WIPI2: variants seen among roughly 807,000 people sequenced by gnomAD.
The protein encoded by WIPI2 is WD repeat domain phosphoinositide-interacting protein 2.
Under a neutral mutation model 52.3 loss-of-function variants are expected in WIPI2, and 28 were observed. That is an observed-to-expected ratio of 0.54 (90% CI 0.40 to 0.73). The LOEUF (loss-of-function observed/expected upper bound fraction) is 0.73. Among genes scored for constraint, WIPI2 ranks in the 30% least tolerant of loss-of-function variants. The pLI is 0.00. For synonymous variants in WIPI2, 268 were observed against 245.0 expected (o/e 1.09, Z -0.88); for missense variants, 506 against 602.9 (o/e 0.84, Z 1.68).
At chr7:5,213,416 G>A (rs1433755768) in intron 3 of WIPI2, 1 of 152,674 alleles carries the variant, frequency 6.5e-6, no homozygotes, top group African/African-American at 2.4e-5. Flanking sequence ...GGTCAGCGAG[G>A]GGCCGCGGGT....
intron 3 of WIPI2, among the ~76,000 whole-genome samples, chr7:5,212,231 C>T (rs1782594919): frequency 6.6e-6 from 1 of 152,098 alleles, no homozygotes; most frequent in African/African-American, 2.4e-5. Context: ...AACACGGCAC[C>T]TGTCCTCAGA....
At chr7:5,201,045 A>C (rs1782004012) in intron 3 of WIPI2, among the ~76,000 whole-genome samples, 1 of 152,224 alleles carries the variant, frequency 6.6e-6, no homozygotes, top group Admixed American at 6.5e-5. Context: ...CTGGGCGATA[A>C]CATAGGTGTG....
rs192877984 is a variant in WIPI2 at position 5,197,961 on chromosome 7, C to T, written c.129-1615C>T. Among the ~76,000 whole-genome samples the T allele has an allele frequency of 5.6e-3, 848 of 152,316 alleles. 7 individuals carry two copies. Among genetic ancestry groups the T allele is most frequent in the African/African-American group, 0.02 (824 of 41,566 alleles). On this transcript the variant is annotated intron_variant, in intron 2 of 12. Coordinates refer to ENST00000288828, the MANE Select transcript of WIPI2 (RefSeq NM_015610.4). ...TTTGGTCAACTGGGTTCTGGAGAGG[C>T]ACTTTTCTGATGAGGAAACCCCTTC...
intron 4 of WIPI2, among the ~76,000 whole-genome samples, chr7:5,215,780 G>A (rs957702798): frequency 6.9e-6 from 1 of 144,628 alleles, no homozygotes; most frequent in Non-Finnish European, 1.5e-5. Flanking sequence ...TCCAACTAAT[G>A]TAGAGCTGGT....
At chr7:5,207,759 C>A (rs546574817) in intron 3 of WIPI2, among the ~76,000 whole-genome samples, 3 of 146,438 alleles carry the variant, frequency 2.0e-5, no homozygotes, top group African/African-American at 7.5e-5. Context: ...TGCTCTATGT[C>A]CTCACTAACT....
intron 3 of WIPI2, among the ~76,000 whole-genome samples, chr7:5,207,516 A>G (rs1163613360): frequency 6.6e-6 from 1 of 152,020 alleles, no homozygotes; most frequent in Non-Finnish European, 1.5e-5. Flanking sequence ...ACAGTTGTTG[A>G]TGTATTCTTT....
chr7:5,226,003 G>A (rs993926561), intron 9 of WIPI2, 73 bp downstream of exon 9: 6 of 1,444,306 alleles, frequency 4.2e-6, no homozygotes, highest in Admixed American at 2.0e-5. Flanking sequence ...GGGATGAGAG[G>A]TAAGCACGGA....
Position 5,231,658 on chromosome 7 carries a change from C to A in WIPI2, c.*711C>A, listed in dbSNP as rs1317108302. On this transcript the variant is annotated 3_prime_UTR_variant, in exon 13 of 13. Coordinates refer to ENST00000288828, the MANE Select transcript of WIPI2 (RefSeq NM_015610.4). ...GCAGCAAATGAACTTGAAAGGTTGC[C>A]TGGACTCGCTGGAGCAAAGGAAAGC... The A allele has an allele frequency of 6.6e-6, 1 of 152,466 alleles. No homozygotes were observed. Among genetic ancestry groups the A allele is most frequent in the Non-Finnish European group, 1.5e-5 (1 of 68,294 alleles). 9.4% of individuals were successfully genotyped at this position (152,466 alleles called of 1,614,324 possible).
intron 2 of WIPI2, among the ~76,000 whole-genome samples, chr7:5,193,983 C>G (rs879678192): frequency 1.3e-4 from 20 of 152,188 alleles, no homozygotes; most frequent in Non-Finnish European, 2.2e-4. Context: ...AGGATATCAT[C>G]CAACAGCAGT....
chr7:5,209,573 A>G (rs1782454100), intron 3 of WIPI2, among the ~76,000 whole-genome samples: 1 of 152,100 alleles, frequency 6.6e-6, no homozygotes. Flanking sequence ...GTTGAATTGG[A>G]ATTTATCACC....
At chr7:5,229,311 GGGCTA>G (rs1783603213) in intron 11 of WIPI2, 1 of 251,884 alleles carries the variant, frequency 4.0e-6, no homozygotes, top group African/African-American at 2.3e-5. Context: ...CACTGCACCC[GGGCTA>G]GCCTGACTTT....
rs374852866 is a variant in WIPI2 at position 5,231,167 on chromosome 7, TTTTG to T, written c.*232_*235del. 3.9e-5 allele frequency: 16 copies of T among 413,484 alleles called. No individual in the cohort carries two copies. The highest frequency in any genetic ancestry group is 2.7e-4 in the African/African-American group (13 of 48,768). The allele number at this position is 413,484 out of a possible 1,614,324, so 25.6% of individuals were successfully genotyped here. A position where few individuals can be genotyped will look rare whatever the true frequency, so the allele number is the denominator to read the frequency against. ...TAAATCCTGCTTATGAATTTTAGCT[TTTTG>T]TTTGTTTGTTTTCTCTTTTTGCCAA... On this transcript the variant is annotated 3_prime_UTR_variant, in exon 13 of 13. Coordinates refer to ENST00000288828, the MANE Select transcript of WIPI2 (RefSeq NM_015610.4).
At position 5,227,648 on chromosome 7, in the gene WIPI2, C is replaced by T. The variant is rs1783504337; in HGVS notation, c.1013+304C>T. ...TAACCCTTTGGGGCCACAGAAACCG[C>T]ACTTGCCGAGTCTCAGGCATCCGTC... On this transcript the variant is annotated intron_variant, in intron 10 of 12. Transcript: ENST00000288828. This position sits in a 1 kb window ranked among gnomAD's most constrained non-coding sequence, Gnocchi z 8.1. 1.3e-5 allele frequency among the ~76,000 whole-genome samples: 2 copies of T among 152,184 alleles called. No homozygotes were observed. Among genetic ancestry groups the T allele is most frequent in the South Asian group, 4.1e-4 (2 of 4,834 alleles).
At chr7:5,207,920 C>T (rs963489077) in intron 3 of WIPI2, among the ~76,000 whole-genome samples, 1 of 152,094 alleles carries the variant, frequency 6.6e-6, no homozygotes, top group African/African-American at 2.4e-5. Context: ...TGTGCACCAC[C>T]ACACCTGGCT....
At chr7:5,208,474 A>T (rs746975424) in intron 3 of WIPI2, among the ~76,000 whole-genome samples, 3 of 151,234 alleles carry the variant, frequency 2.0e-5, no homozygotes, top group Non-Finnish European at 4.4e-5. Flanking sequence ...CTGTCCAGGA[A>T]ACTTTTGCCT....
At chr7:5,195,545 C>G (rs1441573828) in intron 2 of WIPI2, among the ~76,000 whole-genome samples, 1 of 152,118 alleles carries the variant, frequency 6.6e-6, no homozygotes, top group South Asian at 2.1e-4. Flanking sequence ...AATAAATAAA[C>G]ATTTTTTGGC....
chr7:5,192,380 A>G (rs184070592), intron 1 of WIPI2, among the ~76,000 whole-genome samples: 29 of 152,240 alleles, frequency 1.9e-4, no homozygotes, highest in Admixed American at 2.6e-4. Flanking sequence ...ATTGTCGGCC[A>G]CTCTTTCAGT....
At chr7:5,193,410 C>G (rs1583533938) in intron 2 of WIPI2, 1 of 1,188,496 alleles carries the variant, frequency 8.4e-7, no homozygotes, top group South Asian at 2.2e-5. Context: ...AAGAAAGGGA[C>G]TTGACTTTCC....
chr7:5,208,758 C>T (rs1031940799), intron 3 of WIPI2, among the ~76,000 whole-genome samples: 1 of 152,090 alleles, frequency 6.6e-6, no homozygotes, highest in Non-Finnish European at 1.5e-5. Flanking sequence ...TTAGTCTCTT[C>T]TAATGATCTA....
Sources: gnomAD v4.1 joint callset for allele counts (sites outside exome capture counted in the v4.1 genomes callset) on GRCh38, gnomAD v4.1.1 for gene constraint, Gnocchi (gnomAD v3.1) non-coding constraint, MANE v1.5 for transcripts, NCBI Gene and HGNC (gene_info 2026-07-23, HGNC 2026-07-21) for gene names.